Variants in PDIA5 observed in about 807,000 individuals in gnomAD.
PDIA5 encodes the protein protein disulfide isomerase family A member 5, also known as protein disulfide-isomerase A5.
A neutral mutation model predicts 77.6 loss-of-function variants in PDIA5; 58 were observed. The observed-to-expected ratio is 0.75, with a 90% CI of 0.61 to 0.93. The LOEUF is 0.93. Among genes scored for constraint, PDIA5 ranks in the 40% least tolerant of loss-of-function variants. The pLI, the probability that PDIA5 is intolerant of heterozygous loss-of-function variation, is 0.00. For synonymous variants in PDIA5, 250 were observed against 252.1 expected (o/e 0.99, Z 0.08); for missense variants, 630 against 647.7 (o/e 0.97, Z 0.30).
rs543734482 is a variant in PDIA5, at chr3:123,129,899, G to C, written c.774-581G>C. Among the ~76,000 whole-genome samples the C allele has an allele frequency of 9.2e-5, 14 of 152,244 alleles. No individual in the cohort carries two copies. In the East Asian group the frequency reaches 2.3e-3, roughly 25 times the overall value. The stretch of plus-strand genomic sequence containing the variant: ...GTAGCATACACGCTGTCGTAGTTAG[G>C]ATACCCCCAGCCTTACTTCCCTTGC... On this transcript the variant is annotated intron_variant, in intron 10 of 16. Coordinates refer to ENST00000316218, the MANE Select transcript of PDIA5 (RefSeq NM_006810.4).
intron 1 of PDIA5, among the ~76,000 whole-genome samples, chr3:123,086,934 A>G (rs1934154962): frequency 6.6e-6 from 1 of 152,080 alleles, no homozygotes; most frequent in Non-Finnish European, 1.5e-5. Flanking sequence ...TTTCCTTGAG[A>G]ATTGTGAAGC....
chr3:123,094,872 TG>T (rs1674537946), intron 3 of PDIA5, among the ~76,000 whole-genome samples: 1 of 152,130 alleles, frequency 6.6e-6, no homozygotes, highest in African/African-American at 2.4e-5. Flanking sequence ...GTGGCTAGGA[TG>T]GGGACAGGGC....
At position 123,150,308 on chromosome 3, in the gene PDIA5, A is replaced by T. The variant is rs1367483917; in HGVS notation, c.1217A>T (p.Asn406Ile). 3.7e-6 allele frequency: 6 copies of T among 1,613,792 alleles called. No individual in the cohort carries two copies. The highest frequency in any genetic ancestry group is 4.2e-6 in the Non-Finnish European group (5 of 1,179,888). ...AGCGTGTTGCACCTGGTGGGGGACA[A>T]CTTCCGGGAGACCCTGAAGAAGAAG... Reference protein sequence around the residue: ...QTSVLHLVGDNFRETLKKKKH... With the variant: ...QTSVLHLVGDIFRETLKKKKH... Residue 406 changes from asparagine (N) to isoleucine (I), a missense_variant, in exon 14 of 17, where the codon AAC becomes ATC. Coordinates refer to ENST00000316218, the MANE Select transcript of PDIA5 (RefSeq NM_006810.4).
chr3:123,145,973 G>A, intron 12 of PDIA5, 126 bp from the exon 13 acceptor site: 3 of 858,624 alleles, frequency 3.5e-6, no homozygotes, highest in South Asian at 3.3e-5. Flanking sequence ...GAGCCCACTG[G>A]GCTAGCCACC....
At chr3:123,109,211 T>A (rs1408463868) in intron 6 of PDIA5, among the ~76,000 whole-genome samples, 1 of 152,220 alleles carries the variant, frequency 6.6e-6, no homozygotes, top group East Asian at 1.9e-4. Context: ...GCTAATAGAA[T>A]GTCCACATAA....
At chr3:123,129,001 C>T (rs1383565219) in intron 10 of PDIA5, among the ~76,000 whole-genome samples, 1 of 152,220 alleles carries the variant, frequency 6.6e-6, no homozygotes, top group Non-Finnish European at 1.5e-5. Flanking sequence ...CTTTGCAGTG[C>T]TCAGCCCTCC....
chr3:123,080,243 T>C (rs1351079662), intron 1 of PDIA5, among the ~76,000 whole-genome samples: 4 of 152,188 alleles, frequency 2.6e-5, no homozygotes, highest in African/African-American at 4.8e-5. Flanking sequence ...TATTAGCATA[T>C]TGAGTTCCCA....
intron 10 of PDIA5, 68 bp from the exon 11 acceptor site, chr3:123,130,412 C>T: frequency 6.5e-7 from 1 of 1,526,748 alleles, no homozygotes. Flanking sequence ...GGTCCAGGGG[C>T]CTGGAATTAG....
At chr3:123,101,906 C>CTTTTTTTTTTTTTTTTTTTTTTT (rs71623603) in intron 3 of PDIA5, among the ~76,000 whole-genome samples, 4 of 71,398 alleles carry the variant, frequency 5.6e-5, no homozygotes, top group Admixed American at 5.2e-4. Flanking sequence ...TTCTTTCTTG[C>CTTTTTTTTTTTTTTTTTTTTTTT]TTTTTTTTTT....
intron 1 of PDIA5, among the ~76,000 whole-genome samples, chr3:123,083,565 G>A (rs1168382228): frequency 6.6e-6 from 1 of 152,206 alleles, no homozygotes; most frequent in Non-Finnish European, 1.5e-5. Context: ...TAGAGCGATT[G>A]ACTTCGAATG....
At chr3:123,148,640 A>C (rs1338529507) in intron 13 of PDIA5, among the ~76,000 whole-genome samples, 3 of 152,054 alleles carry the variant, frequency 2.0e-5, no homozygotes, top group African/African-American at 7.2e-5. Flanking sequence ...GTATCAATAC[A>C]TAAGTGATCA....
chr3:123,086,989 T>A (rs1022795738), intron 1 of PDIA5, among the ~76,000 whole-genome samples: 1 of 152,230 alleles, frequency 6.6e-6, no homozygotes, highest in Admixed American at 6.5e-5. Flanking sequence ...CTTATGCCAA[T>A]TCTGACTCCT....
chr3:123,116,744 G>A (rs567515151), intron 8 of PDIA5, among the ~76,000 whole-genome samples: 8 of 152,294 alleles, frequency 5.3e-5, no homozygotes, highest in East Asian at 1.9e-4. Context: ...GGCCTGTCCC[G>A]GCTTCCCAGG....
intron 1 of PDIA5, among the ~76,000 whole-genome samples, chr3:123,072,948 G>GTGTGT (rs377523246): frequency 2.7e-5 from 4 of 149,390 alleles, no homozygotes; most frequent in Non-Finnish European, 4.5e-5. Context: ...GTGTGTATGT[G>GTGTGT]GTGTTGTTGT....
intron 11 of PDIA5, among the ~76,000 whole-genome samples, chr3:123,144,278 G>A (rs1935708258): frequency 1.3e-5 from 2 of 152,112 alleles, no homozygotes; most frequent in African/African-American, 4.8e-5. Flanking sequence ...TAGAATTATA[G>A]CGTTCTCAGC....
intron 5 of PDIA5, among the ~76,000 whole-genome samples, chr3:123,105,020 C>T (rs772628769): frequency 7.9e-5 from 12 of 152,178 alleles, no homozygotes; most frequent in Admixed American, 3.9e-4. Context: ...TCAGTTGTTA[C>T]GTTAAAAGGC....
chr3:123,073,804 C>T (rs943496404), intron 1 of PDIA5, among the ~76,000 whole-genome samples: 2 of 152,232 alleles, frequency 1.3e-5, no homozygotes, highest in Non-Finnish European at 2.9e-5. Context: ...AAGAATCCTA[C>T]AGTTCCTCCA....
chr3:123,081,952 G>A (rs1934022320), intron 1 of PDIA5, among the ~76,000 whole-genome samples: 1 of 152,240 alleles, frequency 6.6e-6, no homozygotes, highest in South Asian at 2.1e-4. Context: ...TGAGCTGAGT[G>A]AAGAGAGGAG....
intron 7 of PDIA5, among the ~76,000 whole-genome samples, chr3:123,113,250 G>A (rs1934908576): frequency 1.3e-5 from 2 of 152,262 alleles, no homozygotes; most frequent in East Asian, 3.9e-4. Context: ...GCCACAAGAC[G>A]GCATCCGGGT....
Sources: allele counts gnomAD v4.1 joint callset (sites outside exome capture counted in the v4.1 genomes callset), GRCh38; gene constraint gnomAD v4.1.1; transcripts MANE v1.5; gene names NCBI Gene and HGNC (gene_info 2026-07-23, HGNC 2026-07-21).